SUPT6H: variants seen among roughly 807,000 people sequenced by gnomAD.
SUPT6H encodes the protein transcription elongation factor SPT6.
In SUPT6H, 11 loss-of-function variants were observed where a neutral mutation model predicts 222.3. That is an observed-to-expected ratio of 0.05 (90% CI 0.03 to 0.08). The LOEUF is 0.08. SUPT6H is among the 10% of genes least tolerant of loss of function. The pLI is 1.00. For synonymous variants in SUPT6H, 762 were observed against 801.2 expected, an observed-to-expected ratio of 0.95 and a Z score of 0.83; for missense variants, 1,422 against 2,216.0, an observed-to-expected ratio of 0.64 and a Z score of 7.19.
In SUPT6H at chr17:28,700,941, G is replaced by T; in HGVS notation, c.4807G>T (p.Val1603Leu). ...GSGGGSSAYHVFPTPAQQPVA... is the reference protein window; with the variant it reads ...GSGGGSSAYHLFPTPAQQPVA... ...TATTTAACTGTTCATGCCTCTCCAG[G>T]TATTCCCAACGCCAGCCCAGCAGCC... is the stretch of plus-strand genomic sequence containing the variant. Residue 1603 changes from valine to leucine, a missense_variant and splice_region_variant, in exon 36 of 37, where the codon GTA (valine) becomes TTA (leucine). By Grantham distance (32) the Val-to-Leu change is conservative. Coordinates refer to ENST00000314616, the MANE Select transcript of SUPT6H (RefSeq NM_003170.5). The T allele has an allele frequency of 1.9e-6, 3 of 1,610,008 alleles. No homozygotes were observed. Among genetic ancestry groups the T allele is most frequent in the Non-Finnish European group, 2.5e-6 (3 of 1,176,926 alleles).
At chr17:28,669,029 A>G (rs2030256831) in intron 1 of SUPT6H, among the ~76,000 whole-genome samples, 2 of 151,866 alleles carry the variant, frequency 1.3e-5, no homozygotes, top group Admixed American at 6.6e-5. Flanking sequence ...ACCCCTTTAT[A>G]CTCTTAAAAC....
Position 28,700,179 on chromosome 17 carries a change from C to A in SUPT6H, c.4568C>A (p.Thr1523Asn). The stretch of plus-strand genomic sequence containing the variant: ...AAATAATCACTTCCTGCAGGCATCA[C>A]CCCTAGCAGCAGCAGCAGGACCCGG... ...DHYQDPVPGI[T>N]PSSSSRTRTP... is the part of the protein sequence containing the mutation. Residue 1523 changes from threonine (T) to asparagine (N), a missense_variant, in exon 34 of 37, where the codon ACC becomes AAC. Transcript: ENST00000314616. The A allele has an allele frequency of 6.2e-7, 1 of 1,614,218 alleles. No individual in the cohort carries two copies. Among genetic ancestry groups the A allele is most frequent in the Non-Finnish European group, 8.5e-7 (1 of 1,180,044 alleles).
Position 28,700,961 on chromosome 17 carries a change from G to A in SUPT6H, c.4827G>A (p.Gln1609=). Reference sequence around the variant, plus strand: ...TCCAGGTATTCCCAACGCCAGCCCAGCAGCCAGTGGCCACACCACTAATGA... The same window carrying A: ...TCCAGGTATTCCCAACGCCAGCCCAACAGCCAGTGGCCACACCACTAATGA... ...SAYHVFPTPA[Q]QPVATPLMTP... The change falls in exon 36 of 37, where the codon CAG becomes CAA. Residue 1609 remains glutamine (Q), a synonymous_variant. Transcript: ENST00000314616. 6.2e-7 allele frequency: 1 copy of A among 1,612,750 alleles called. No homozygotes were observed. The highest frequency in any genetic ancestry group is 1.3e-5 in the African/African-American group (1 of 74,984).
At position 28,695,496 on chromosome 17, in the gene SUPT6H, G is replaced by A; in HGVS notation, c.3919G>A (p.Ala1307Thr). Residue 1307 changes from alanine to threonine, a missense_variant, in exon 29 of 37, where the codon GCT becomes ACT. By Grantham distance (58) the Ala-to-Thr change is moderately conservative. Coordinates refer to ENST00000314616, the MANE Select transcript of SUPT6H (RefSeq NM_003170.5). ...KDTYYDFDAEAADHKQEEDMK... is the reference protein window; with the variant it reads ...KDTYYDFDAETADHKQEEDMK... ...CACCTACTATGACTTTGATGCTGAAGCTGCAGACCACAAGCAGGAGGAGGA... is the reference window on the plus strand; with the variant it reads ...CACCTACTATGACTTTGATGCTGAAACTGCAGACCACAAGCAGGAGGAGGA... The A allele has an allele frequency of 6.2e-7, 1 of 1,614,126 alleles. No homozygotes were observed. The highest frequency in any genetic ancestry group is 8.5e-7 in the Non-Finnish European group (1 of 1,180,034).
chr17:28,697,115 A>G, intron 30 of SUPT6H, 33 bp downstream of exon 30: 1 of 1,594,028 alleles, frequency 6.3e-7, no homozygotes. Context: ...CTCCCATCCC[A>G]CTCCTGCTTC....
At chr17:28,662,894 C>T (rs1230947259) in intron 1 of SUPT6H, among the ~76,000 whole-genome samples, 3 of 152,214 alleles carry the variant, frequency 2.0e-5, no homozygotes, top group Admixed American at 2.0e-4. Flanking sequence ...TCTATAGATT[C>T]ATTTCCTCAA....
Position 28,700,159 on chromosome 17 carries a change from A to G in SUPT6H, c.4562-14A>G, listed in dbSNP as rs1270165022. ...GTTTCTGGAGGGATGTAACTAAATAATCACTTCCTGCAGGCATCACCCCTA... is the reference window on the plus strand; with the variant it reads ...GTTTCTGGAGGGATGTAACTAAATAGTCACTTCCTGCAGGCATCACCCCTA... On this transcript the variant is annotated splice_polypyrimidine_tract_variant and intron_variant, in intron 33 of 36. Coordinates refer to ENST00000314616, the MANE Select transcript of SUPT6H (RefSeq NM_003170.5). The G allele has an allele frequency of 3.1e-6, 5 of 1,614,088 alleles. No individual in the cohort carries two copies. The highest frequency in any genetic ancestry group is 3.4e-6 in the Non-Finnish European group (4 of 1,179,970).
intron 4 of SUPT6H, 62 bp downstream of exon 4, chr17:28,674,675 T>G: frequency 6.7e-7 from 1 of 1,496,922 alleles, no homozygotes; most frequent in Non-Finnish European, 9.3e-7. Context: ...GAAATTTCAA[T>G]GTCTGTGGGT....
Position 28,683,740 on chromosome 17 carries a change from A to G in SUPT6H, c.2153A>G (p.Gln718Arg). Residue 718 changes from glutamine (Q) to arginine (R), a missense_variant, in exon 17 of 37, where the codon CAG becomes CGG. Gln to Arg is a conservative substitution (Grantham distance 43). This residue lies in a region of SUPT6H where 294 missense variants were observed against 382.1 expected (regional missense o/e 0.77). Transcript: ENST00000314616. ...ACCATGGCCATCGAACGGGCTTTAC[A>G]GCAGTTCCTCTATGTGCAGATGGCC... ...QRTMAIERAL[Q>R]QFLYVQMAKE... 1.2e-6 allele frequency: 2 copies of G among 1,614,156 alleles called. No homozygotes were observed. Among genetic ancestry groups the G allele is most frequent in the South Asian group, 1.1e-5 (1 of 91,078 alleles).
chr17:28,692,754 C>T (rs1242257642), intron 27 of SUPT6H, among the ~76,000 whole-genome samples: 1 of 147,898 alleles, frequency 6.8e-6, no homozygotes, highest in Non-Finnish European at 1.5e-5. Context: ...ATAATCCCAG[C>T]ACTTTGGGAG....
intron 30 of SUPT6H, among the ~76,000 whole-genome samples, 166 bp from the exon 31 acceptor site, chr17:28,697,454 T>A (rs1465513803): frequency 6.6e-6 from 1 of 152,216 alleles, no homozygotes; most frequent in East Asian, 1.9e-4. Context: ...AAGGACTTTA[T>A]GCCCTGTGAG....
Position 28,678,057 on chromosome 17 carries a change from C to A in SUPT6H, c.1000-19C>A. The stretch of plus-strand genomic sequence containing the variant: ...CCAAGTAAACATTGTCTTGCTATTT[C>A]TTTATTTTCCTACTGTAGGAAAGCT... On this transcript the variant is annotated intron_variant, in intron 8 of 36. Coordinates refer to ENST00000314616, the MANE Select transcript of SUPT6H (RefSeq NM_003170.5). 1.2e-6 allele frequency: 2 copies of A among 1,607,058 alleles called. No homozygotes were observed. The highest frequency in any genetic ancestry group is 1.7e-6 in the Non-Finnish European group (2 of 1,174,646).
In SUPT6H at chr17:28,686,395, G is replaced by A. The variant is rs1272262576; in HGVS notation, c.2544G>A (p.Val848=). ...KFLLNKKPHV[V]TVAGENRDAQ... ...TCCTGAATAAGAAGCCTCATGTAGT[G>A]ACAGTTGCAGGAGAGAACAGGTAGG... Residue 848 remains valine (V), a synonymous_variant, in exon 20 of 37, where the codon GTG becomes GTA. Transcript: ENST00000314616. 6.2e-7 allele frequency: 1 copy of A among 1,614,224 alleles called. No individual in the cohort carries two copies. The highest frequency in any genetic ancestry group is 8.5e-7 in the Non-Finnish European group (1 of 1,180,048).
Position 28,681,332 on chromosome 17 carries a change from C to T in SUPT6H, c.1426C>T (p.Pro476Ser). Residue 476 changes from proline to serine, a missense_variant, in exon 12 of 37, where the codon CCT becomes TCT. By Grantham distance (74) the Pro-to-Ser change is moderately conservative (BLOSUM62 -1). Around this residue, in one of 13 missense-constraint regions of SUPT6H, gnomAD observed 389 missense variants for 544.6 expected, o/e 0.71. Transcript: ENST00000314616. ...TCTTCTTTATTATGGCCGAGACATC[C>T]CTAAGATGCAGAACGCCGCCAAAGC... is the stretch of plus-strand genomic sequence containing the variant. ...HFLLYYGRDI[P>S]KMQNAAKASR... 2 of 1,613,524 alleles carry T rather than the reference C, an allele frequency of 1.2e-6. No homozygotes were observed. The highest frequency in any genetic ancestry group is 1.7e-6 in the Non-Finnish European group (2 of 1,179,846).
At chr17:28,680,220 C>T (rs193095416) in intron 11 of SUPT6H, among the ~76,000 whole-genome samples, 52 of 150,982 alleles carry the variant, frequency 3.4e-4, no homozygotes, top group Admixed American at 7.9e-4. Flanking sequence ...ACAGGAGAAT[C>T]GCTTGAACCT....
rs372365784 is a variant in SUPT6H at position 28,687,126 on chromosome 17, C to T, written c.2739C>T (p.Ala913=). The part of the protein sequence containing the change: ...FRDYPPVLRQ[A]VSLARRIQDP... ...ATTATCCTCCAGTGCTGAGACAGGC[C>T]GTCTCCCTGGCCCGGCGCATCCAGG... Residue 913 remains alanine (A), a synonymous_variant, in exon 22 of 37, where the codon GCC becomes GCT. Coordinates refer to ENST00000314616, the MANE Select transcript of SUPT6H (RefSeq NM_003170.5). 2.9e-5 allele frequency: 46 copies of T among 1,613,854 alleles called. No homozygotes were observed. The South Asian group carries it at 3.7e-4, about 13-fold the overall frequency.
Position 28,688,059 on chromosome 17 carries a change from C to T in SUPT6H, c.3007-32C>T, listed in dbSNP as rs749770364. 3 of 1,570,410 alleles carry T rather than the reference C, an allele frequency of 1.9e-6. No individual in the cohort carries two copies. The highest frequency in any genetic ancestry group is 2.6e-6 in the Non-Finnish European group (3 of 1,155,584). Reference sequence around the variant, plus strand: ...AGTCTGGGGAGGTGGGGCCTGCTTACTGCCCTGGCTCAGTCCAGCTCTCTC... The same window carrying T: ...AGTCTGGGGAGGTGGGGCCTGCTTATTGCCCTGGCTCAGTCCAGCTCTCTC... On this transcript the variant is annotated intron_variant, in intron 23 of 36. Transcript: ENST00000314616. This position sits in a 1 kb window ranked among gnomAD's most constrained non-coding sequence, Gnocchi z 4.3.
chr17:28,698,188 G>A (rs1310426177), intron 32 of SUPT6H, among the ~76,000 whole-genome samples, 158 bp downstream of exon 32: 6 of 152,216 alleles, frequency 3.9e-5, no homozygotes, highest in African/African-American at 1.4e-4. Context: ...GGAAAAGAGG[G>A]TGATGATTTC....
chr17:28,691,849 CAAA>C (rs1198311501), intron 27 of SUPT6H: 4 of 80,104 alleles, frequency 5.0e-5, no homozygotes, highest in Admixed American at 1.4e-4. Context: ...GACTCCGTCT[CAAA>C]AAAAAAAAAA....
Sources: gnomAD v4.1 joint callset for allele counts (sites outside exome capture counted in the v4.1 genomes callset) on GRCh38, gnomAD v4.1.1 for gene constraint, gnomAD v4.1.1 regional missense constraint, Gnocchi (gnomAD v3.1) non-coding constraint, MANE v1.5 for transcripts, NCBI Gene and HGNC (gene_info 2026-07-23, HGNC 2026-07-21) for gene names.